KIAA1671: variants seen among roughly 807,000 people sequenced by gnomAD.
KIAA1671 encodes uncharacterized protein KIAA1671.
KIAA1671 carries 52 observed loss-of-function variants against 131.2 expected under a neutral mutation model. The ratio of observed to expected loss-of-function variants is 0.40; its 90% CI spans 0.32 to 0.50. The LOEUF (loss-of-function observed/expected upper bound fraction) is 0.50. Among genes scored for constraint, KIAA1671 ranks in the 20% least tolerant of loss-of-function variants. KIAA1671 has a pLI of 0.73. For missense variants in KIAA1671, 2,360 were observed against 2,364.2 expected, an observed-to-expected ratio of 1.00 and a Z score of 0.04; for synonymous variants, 1,003 against 961.6, an observed-to-expected ratio of 1.04 and a Z score of -0.80.
intron 6 of KIAA1671, among the ~76,000 whole-genome samples, chr22:25,088,254 T>A (rs1486702103): frequency 2.0e-5 from 3 of 152,072 alleles, no homozygotes; most frequent in Non-Finnish European, 4.4e-5. Context: ...ATTACAGGCG[T>A]GCACCACCAC....
rs764904385 is a variant in KIAA1671, at chr22:25,002,802, C to T, written c.-207-22831C>T. 7.3e-5 allele frequency among the ~76,000 whole-genome samples: 11 copies of T among 151,224 alleles called. No individual in the cohort carries two copies. In the East Asian group the frequency reaches 1.9e-3, roughly 27 times the overall value. ...TTCGTGGCTTTTTTTTTTTTAAAGA[C>T]AGGATCTCACTCTGTTACCCAGGCT... On this transcript the variant is annotated intron_variant, in intron 1 of 12. Transcript: ENST00000358431.
chr22:24,983,755 C>T (rs1357047215), intron 1 of KIAA1671, among the ~76,000 whole-genome samples: 2 of 148,926 alleles, frequency 1.3e-5, no homozygotes, highest in Non-Finnish European at 3.0e-5. Context: ...GGGTATGGGG[C>T]CATGGAAAGG....
chr22:25,053,442 G>A (rs1927654188), intron 6 of KIAA1671: 1 of 152,204 alleles, frequency 6.6e-6, no homozygotes, highest in Non-Finnish European at 1.5e-5. Flanking sequence ...ATCTTGTGAC[G>A]ATGAAGTCAG....
At chr22:25,019,793 C>T (rs1316126943) in intron 1 of KIAA1671, among the ~76,000 whole-genome samples, 1 of 152,024 alleles carries the variant, frequency 6.6e-6, no homozygotes, top group Non-Finnish European at 1.5e-5. Flanking sequence ...AAGAGTTTCC[C>T]TATTATAGTT....
At position 25,125,224 on chromosome 22, in the gene KIAA1671, A is replaced by C. The variant is rs896052163; in HGVS notation, c.4531-45596A>C. ...GAGGGCCACATTCAAGGCAGAGGCT[A>C]TTGTCCCATTTTACAGATGGGGAAA... On this transcript the variant is annotated intron_variant, in intron 6 of 12. Transcript: ENST00000358431. Among the ~76,000 whole-genome samples the C allele has an allele frequency of 2.6e-5, 4 of 152,326 alleles. No homozygotes were observed. In the South Asian group the frequency reaches 8.3e-4, roughly 32 times the overall value.
intron 6 of KIAA1671, among the ~76,000 whole-genome samples, chr22:25,103,212 CTT>C (rs10631725): frequency 1.4e-4 from 19 of 140,318 alleles, no homozygotes; most frequent in African/African-American, 4.0e-4. Flanking sequence ...CCCCAACCGC[CTT>C]TTTTTTTTTT....
intron 1 of KIAA1671, among the ~76,000 whole-genome samples, chr22:24,963,718 A>G (rs1260573431): frequency 2.0e-5 from 3 of 151,950 alleles, no homozygotes; most frequent in African/African-American, 7.3e-5. Flanking sequence ...AGGCGGGCAG[A>G]TCACGAGGTC....
At chr22:25,094,115 A>G (rs1181801637) in intron 6 of KIAA1671, among the ~76,000 whole-genome samples, 1 of 152,102 alleles carries the variant, frequency 6.6e-6, no homozygotes, top group Non-Finnish European at 1.5e-5. Flanking sequence ...CGAACCATCA[A>G]CTCAGACCTT....
intron 6 of KIAA1671, chr22:25,063,153 A>G (rs953249665): frequency 6.6e-6 from 1 of 152,090 alleles, no homozygotes; most frequent in African/African-American, 2.4e-5. Flanking sequence ...GGGATGGTTG[A>G]TTGAAAGCTA....
At chr22:25,130,043 C>T (rs554042551) in intron 6 of KIAA1671, among the ~76,000 whole-genome samples, 2 of 152,118 alleles carry the variant, frequency 1.3e-5, no homozygotes, top group Non-Finnish European at 2.9e-5. Flanking sequence ...GAGTTTGAGA[C>T]CAGCCTGGGC....
chr22:25,045,916 G>A (rs976405751), intron 5 of KIAA1671, among the ~76,000 whole-genome samples: 1 of 152,078 alleles, frequency 6.6e-6, no homozygotes, highest in African/African-American at 2.4e-5. Flanking sequence ...TAATGGTTGC[G>A]AAGTATTGTA....
intron 6 of KIAA1671, among the ~76,000 whole-genome samples, chr22:25,074,593 GTA>G (rs924202391): frequency 3.3e-5 from 5 of 149,584 alleles, no homozygotes; most frequent in South Asian, 2.1e-4. Context: ...GTGTGTGCGT[GTA>G]TATATATATA....
intron 11 of KIAA1671, among the ~76,000 whole-genome samples, chr22:25,189,955 T>G (rs1601397712): frequency 6.6e-6 from 1 of 152,152 alleles, no homozygotes; most frequent in African/African-American, 2.4e-5. Context: ...AGAACAGATA[T>G]ATCGTGATTT....
At chr22:25,049,196 C>G in intron 5 of KIAA1671, 34 bp from the exon 6 acceptor site, 1 of 1,537,604 alleles carries the variant, frequency 6.5e-7, no homozygotes. Flanking sequence ...AGAAGGCTCC[C>G]AGTAAAGTCC....
chr22:25,084,039 G>GT (rs1229349141), intron 6 of KIAA1671, among the ~76,000 whole-genome samples: 1 of 152,166 alleles, frequency 6.6e-6, no homozygotes, highest in Non-Finnish European at 1.5e-5. Flanking sequence ...GGCCTGCCAC[G>GT]TGAGTGCAGG....
chr22:25,024,776 A>G (rs1468259509), intron 1 of KIAA1671: 1 of 152,214 alleles, frequency 6.6e-6, no homozygotes, highest in Admixed American at 6.5e-5. Flanking sequence ...TGTGCTAGCC[A>G]CTAGGGATTT....
intron 6 of KIAA1671, among the ~76,000 whole-genome samples, chr22:25,105,819 T>TG (rs3062983): frequency 0.37 from 50,655 of 135,098 alleles, 10,291 homozygotes; most frequent in South Asian, 0.49. Flanking sequence ...GGTATGAAGT[T>TG]GGGGGGGGGG....
At chr22:25,108,465 A>G (rs1444639934) in intron 6 of KIAA1671, among the ~76,000 whole-genome samples, 1 of 152,064 alleles carries the variant, frequency 6.6e-6, no homozygotes, top group Non-Finnish European at 1.5e-5. Flanking sequence ...ATGGTGTAGG[A>G]GCTCACTATG....
chr22:25,148,075 T>G (rs954185114), intron 6 of KIAA1671, among the ~76,000 whole-genome samples: 2 of 150,948 alleles, frequency 1.3e-5, no homozygotes, highest in African/African-American at 4.9e-5. Flanking sequence ...CTCCTCTCTT[T>G]CTTTATAAAT....
Sources: allele counts gnomAD v4.1 joint callset (sites outside exome capture counted in the v4.1 genomes callset), GRCh38; gene constraint gnomAD v4.1.1; transcripts MANE v1.5; gene names NCBI Gene and HGNC (gene_info 2026-07-23, HGNC 2026-07-21).